The following SYNPR variants were observed in gnomAD, a reference collection of about 807,000 sequenced individuals.
The protein encoded by SYNPR is synaptoporin.
In SYNPR, 23 loss-of-function variants were observed where a neutral mutation model predicts 32.9. The observed-to-expected ratio is 0.70, with a 90% CI of 0.50 to 0.99. SYNPR has a LOEUF of 0.99. Among genes scored for constraint, SYNPR ranks in the 50% least tolerant of loss-of-function variants. SYNPR has a pLI of 0.00. For synonymous variants in SYNPR, 146 were observed against 135.9 expected, an observed-to-expected ratio of 1.07 and a Z score of -0.52; for missense variants, 318 against 349.3, an observed-to-expected ratio of 0.91 and a Z score of 0.71.
chr3:63,318,840 G>T (rs535923454), intron 2 of SYNPR, among the ~76,000 whole-genome samples: 32 of 152,092 alleles, frequency 2.1e-4, no homozygotes, highest in African/African-American at 7.2e-4. Flanking sequence ...GGCTTGTTTT[G>T]TCATATTACC....
intron 2 of SYNPR, among the ~76,000 whole-genome samples, chr3:63,402,058 T>G (rs551384384): frequency 7.2e-5 from 11 of 152,146 alleles, no homozygotes; most frequent in African/African-American, 2.7e-4. Context: ...TTTCATATAC[T>G]CAAGCCTACA....
chr3:63,328,141 C>G (rs1023998816), intron 2 of SYNPR, among the ~76,000 whole-genome samples: 4 of 152,132 alleles, frequency 2.6e-5, no homozygotes, highest in African/African-American at 9.7e-5. Context: ...ACATCTACCA[C>G]AAGACCAGTT....
intron 3 of SYNPR, chr3:63,545,497 C>G (rs2106811723): frequency 6.6e-6 from 1 of 152,098 alleles, no homozygotes; most frequent in South Asian, 2.1e-4. Context: ...CAGGGTCGGG[C>G]CTGGTTAGTA....
chr3:63,417,527 TG>T (rs1324938048), intron 2 of SYNPR, among the ~76,000 whole-genome samples: 1 of 152,236 alleles, frequency 6.6e-6, no homozygotes, highest in Non-Finnish European at 1.5e-5. Context: ...GGACTCTGTG[TG>T]GGGGCTCCCA....
chr3:63,447,614 C>T (rs546381753), intron 2 of SYNPR, among the ~76,000 whole-genome samples: 2 of 150,952 alleles, frequency 1.3e-5, no homozygotes, highest in Admixed American at 1.3e-4. Context: ...AGCACTAAAT[C>T]TTCTAGAAGA....
intron 3 of SYNPR, among the ~76,000 whole-genome samples, chr3:63,270,430 A>G (rs945666938): frequency 6.6e-6 from 1 of 152,224 alleles, no homozygotes; most frequent in Non-Finnish European, 1.5e-5. Context: ...ATTAAAATAA[A>G]TCAAACCAAG....
chr3:63,477,082 C>T (rs559181517), intron 2 of SYNPR, among the ~76,000 whole-genome samples: 1 of 152,236 alleles, frequency 6.6e-6, no homozygotes, highest in African/African-American at 2.4e-5. Context: ...GTCTGCCTCA[C>T]CCCAGAACTG....
chr3:63,273,506 G>T (rs142655456), upstream of SYNPR, among the ~76,000 whole-genome samples: 2 of 151,982 alleles, frequency 1.3e-5, no homozygotes, highest in Admixed American at 6.6e-5. Context: ...AATTACTGTT[G>T]CTATTATTAT....
intron 4 of SYNPR, among the ~76,000 whole-genome samples, chr3:63,577,746 A>G (rs1023440554): frequency 6.6e-6 from 1 of 152,106 alleles, no homozygotes; most frequent in Non-Finnish European, 1.5e-5. Flanking sequence ...TAGTGCATGG[A>G]TACATTCTGT....
intron 2 of SYNPR, among the ~76,000 whole-genome samples, chr3:63,410,375 T>C (rs1311690017): frequency 6.6e-6 from 1 of 152,180 alleles, no homozygotes; most frequent in Non-Finnish European, 1.5e-5. Flanking sequence ...AGAAATTTCA[T>C]AGAGTTTACA....
rs186325749 is a variant in SYNPR, at chr3:63,567,999, T to C, written c.408+11258T>C. 2.5e-3 allele frequency among the ~76,000 whole-genome samples: 388 copies of C among 152,354 alleles called. 3 individuals carry two copies. Among genetic ancestry groups the C allele is most frequent in the African/African-American group, 9.1e-3 (377 of 41,582 alleles). On this transcript the variant is annotated intron_variant, in intron 4 of 5. Transcript: ENST00000478300. ...TTGGCCCACTAGCCAATTGGCTAGT[T>C]ACCATTATGGGCAGAAAATAATGTA...
At chr3:63,407,678 C>A (rs1260550226) in intron 2 of SYNPR, among the ~76,000 whole-genome samples, 1 of 152,044 alleles carries the variant, frequency 6.6e-6, no homozygotes, top group Non-Finnish European at 1.5e-5. Flanking sequence ...AAATATACCA[C>A]GTAGAAATTA....
chr3:63,470,309 C>T (rs559397887), intron 2 of SYNPR, among the ~76,000 whole-genome samples: 1 of 152,210 alleles, frequency 6.6e-6, no homozygotes, highest in Non-Finnish European at 1.5e-5. Flanking sequence ...CTTTTTAACC[C>T]TTGCATAATA....
intron 3 of SYNPR, among the ~76,000 whole-genome samples, chr3:63,484,666 A>G (rs1182158841): frequency 6.6e-6 from 1 of 152,196 alleles, no homozygotes; most frequent in Non-Finnish European, 1.5e-5. Flanking sequence ...TAGATTATGT[A>G]GTCATTACAC....
the SYNPR span, among the ~76,000 whole-genome samples, chr3:63,207,777 T>A: frequency 6.6e-6 from 1 of 152,080 alleles, no homozygotes; most frequent in Non-Finnish European, 1.5e-5. Flanking sequence ...TCTGCTGCAT[T>A]TTTTTAAAAA....
At chr3:63,509,095 C>T (rs1701642571) in intron 3 of SYNPR, among the ~76,000 whole-genome samples, 1 of 150,770 alleles carries the variant, frequency 6.6e-6, no homozygotes, top group South Asian at 2.1e-4. Context: ...TACTCATGTA[C>T]CTTTCAGCAT....
intron 5 of SYNPR, among the ~76,000 whole-genome samples, chr3:63,611,763 G>T (rs1052128437): frequency 6.6e-6 from 1 of 151,996 alleles, no homozygotes; most frequent in Admixed American, 6.6e-5. Context: ...AAGACTGAAC[G>T]GCTTGGACTG....
chr3:63,446,256 C>T (rs1450262082), intron 2 of SYNPR, among the ~76,000 whole-genome samples: 3 of 151,184 alleles, frequency 2.0e-5, no homozygotes, highest in Middle Eastern at 6.8e-3. Context: ...AAATTCTCAC[C>T]TTCCCTTTAC....
intron 2 of SYNPR, among the ~76,000 whole-genome samples, chr3:63,469,913 T>G (rs1232433235): frequency 1.4e-5 from 2 of 142,918 alleles, no homozygotes; most frequent in Non-Finnish European, 3.0e-5. Flanking sequence ...CTTTACATTT[T>G]TCATCCAAAC....
Sources: allele counts gnomAD v4.1 joint callset (sites outside exome capture counted in the v4.1 genomes callset), GRCh38; gene constraint gnomAD v4.1.1; transcripts MANE v1.5; gene names NCBI Gene and HGNC (gene_info 2026-07-23, HGNC 2026-07-21).